The following CLASP1 variants were observed in gnomAD, a reference collection of about 807,000 sequenced individuals.
The protein encoded by CLASP1 is cytoplasmic linker associated protein 1.
A neutral mutation model predicts 192.3 loss-of-function variants in CLASP1; 38 were observed. The ratio of observed to expected loss-of-function variants is 0.20; its 90% CI spans 0.15 to 0.26. CLASP1 has a LOEUF of 0.26. CLASP1 is among the 10% of genes least tolerant of loss of function. CLASP1 has a pLI of 1.00. For missense variants in CLASP1, 1,433 were observed against 1,932.5 expected (o/e 0.74, Z 4.85); for synonymous variants, 691 against 712.8 (o/e 0.97, Z 0.49).
At chr2:121,473,965 AATG>A (rs1206099048) in intron 8 of CLASP1, among the ~76,000 whole-genome samples, 1 of 152,204 alleles carries the variant, frequency 6.6e-6, no homozygotes, top group African/African-American at 2.4e-5. Context: ...CAAAAGGAAA[AATG>A]ATACCAGTTG....
chr2:121,464,789 T>C (rs1287350373), intron 9 of CLASP1, among the ~76,000 whole-genome samples: 1 of 152,122 alleles, frequency 6.6e-6, no homozygotes, highest in Admixed American at 6.5e-5. Flanking sequence ...TTCTCCCATT[T>C]TGTAGGTTGC....
chr2:121,431,423 A>C (rs2081373555), intron 19 of CLASP1, among the ~76,000 whole-genome samples: 1 of 152,182 alleles, frequency 6.6e-6, no homozygotes, highest in Non-Finnish European at 1.5e-5. Context: ...AAATTAATTA[A>C]TTTGTTCAAT....
chr2:121,579,107 TAAC>T (rs1195380480), intron 2 of CLASP1, among the ~76,000 whole-genome samples: 9 of 152,374 alleles, frequency 5.9e-5, no homozygotes, highest in Admixed American at 1.3e-4. Flanking sequence ...CGTCACATCA[TAAC>T]AACATTTTAG....
At chr2:121,639,531 G>A (rs1186522603) in intron 1 of CLASP1, among the ~76,000 whole-genome samples, 1 of 152,026 alleles carries the variant, frequency 6.6e-6, no homozygotes, top group Non-Finnish European at 1.5e-5. Flanking sequence ...TGGCACAATA[G>A]CATTAATGTA....
intron 14 of CLASP1, among the ~76,000 whole-genome samples, chr2:121,455,885 T>C (rs1301852565): frequency 2.6e-5 from 4 of 151,928 alleles, no homozygotes; most frequent in South Asian, 4.2e-4. Context: ...ATTGGACTCA[T>C]AGAAGCAGAA....
At chr2:121,416,396 T>G (rs1267886070) in intron 23 of CLASP1, among the ~76,000 whole-genome samples, 1 of 152,230 alleles carries the variant, frequency 6.6e-6, no homozygotes, top group African/African-American at 2.4e-5. Flanking sequence ...CACTAGAATA[T>G]AAGTACTGTC....
At chr2:121,548,918 G>A (rs912872275) in intron 2 of CLASP1, among the ~76,000 whole-genome samples, 1 of 152,112 alleles carries the variant, frequency 6.6e-6, no homozygotes, top group African/African-American at 2.4e-5. Context: ...ATCTTGAAAG[G>A]AGCACTAAAT....
intron 2 of CLASP1, among the ~76,000 whole-genome samples, chr2:121,590,779 T>G (rs1404791086): frequency 1.3e-5 from 2 of 152,012 alleles, no homozygotes; most frequent in Middle Eastern, 3.2e-3. Flanking sequence ...ACAAAGAACA[T>G]AAGCTTAGGA....
At chr2:121,460,677 C>G (rs184973882) in intron 11 of CLASP1, among the ~76,000 whole-genome samples, 74 of 152,262 alleles carry the variant, frequency 4.9e-4, no homozygotes, top group South Asian at 1.7e-3. Flanking sequence ...CACTTTAATG[C>G]TGAGCCCACT....
chr2:121,401,008 C>CT (rs2076086344), intron 28 of CLASP1, among the ~76,000 whole-genome samples: 1 of 152,160 alleles, frequency 6.6e-6, no homozygotes, highest in Non-Finnish European at 1.5e-5. Flanking sequence ...GCTTCAGCAG[C>CT]TTTTCTTTTC....
intron 32 of CLASP1, among the ~76,000 whole-genome samples, chr2:121,384,145 T>TACAC (rs1253822484): frequency 1.5e-4 from 20 of 133,584 alleles, no homozygotes; most frequent in African/African-American, 5.3e-4. Flanking sequence ...TATATATATA[T>TACAC]ACACACACAC....
At chr2:121,339,639 G>A (rs1271909038) in exon 40 of CLASP1, 1 of 152,204 alleles carries the variant, frequency 6.6e-6, no homozygotes, top group African/African-American at 2.4e-5. Flanking sequence ...GAGGAAGAGA[G>A]ACTCTAAATG....
intron 23 of CLASP1, among the ~76,000 whole-genome samples, chr2:121,412,472 G>GTT (rs199794854): frequency 6.7e-6 from 1 of 148,370 alleles, no homozygotes; most frequent in East Asian, 2.0e-4. Context: ...CTTTGTTCAA[G>GTT]TTTTTTTTTT....
intron 19 of CLASP1, among the ~76,000 whole-genome samples, chr2:121,432,543 T>G (rs1005327934): frequency 2.6e-5 from 4 of 152,248 alleles, no homozygotes; most frequent in Non-Finnish European, 5.9e-5. Flanking sequence ...GTTGAAATGT[T>G]GACTGGCATT....
chr2:121,451,023 A>G (rs1343530018), intron 15 of CLASP1, 33 bp from the exon 16 acceptor site: 1 of 1,373,852 alleles, frequency 7.3e-7, no homozygotes, highest in Admixed American at 1.8e-5. Flanking sequence ...AGTAACAATC[A>G]TAAATGTATG....
chr2:121,391,097 C>A (rs73950965), intron 30 of CLASP1, among the ~76,000 whole-genome samples: 4,711 of 152,254 alleles, frequency 0.031, 155 homozygotes, highest in South Asian at 0.1. Context: ...AACGTCGACA[C>A]AGGCACACAT....
intron 37 of CLASP1, among the ~76,000 whole-genome samples, chr2:121,356,807 C>G (rs1277609604): frequency 6.6e-6 from 1 of 152,140 alleles, no homozygotes; most frequent in East Asian, 1.9e-4. Context: ...CAATGGATAT[C>G]TTCAAATGTG....
chr2:121,390,640 C>T (rs1410137266), intron 30 of CLASP1, among the ~76,000 whole-genome samples: 3 of 152,098 alleles, frequency 2.0e-5, no homozygotes, highest in Non-Finnish European at 2.9e-5. Context: ...CAAAGCTTTA[C>T]CAAACACTTC....
intron 2 of CLASP1, among the ~76,000 whole-genome samples, chr2:121,558,865 G>A (rs1281431492): frequency 6.6e-6 from 1 of 152,204 alleles, no homozygotes; most frequent in Non-Finnish European, 1.5e-5. Context: ...GAGCGAGCCA[G>A]ATTCTCTCAT....
Sources: gnomAD v4.1 joint callset for allele counts (sites outside exome capture counted in the v4.1 genomes callset) on GRCh38, gnomAD v4.1.1 for gene constraint, MANE v1.5 for transcripts, NCBI Gene and HGNC (gene_info 2026-07-23, HGNC 2026-07-21) for gene names.